The following CCDC102B variants were observed in gnomAD, a reference collection of about 807,000 sequenced individuals.
The protein encoded by CCDC102B is coiled-coil domain containing 102B, also known as coiled-coil domain-containing protein 102B.
CCDC102B carries 75 observed loss-of-function variants against 57.4 expected under a neutral mutation model. The observed-to-expected ratio is 1.31, with a 90% confidence interval of 1.08 to 1.58. The LOEUF (loss-of-function observed/expected upper bound fraction) is 1.58. CCDC102B is among the 40% of genes most tolerant of loss of function. The probability of loss-of-function intolerance (pLI) is 0.00; values close to 1 mark genes in which losing one functional copy is unlikely to be tolerated. For missense variants in CCDC102B, 636 were observed against 582.6 expected (o/e 1.09, Z -0.94); for synonymous variants, 206 against 201.9 (o/e 1.02, Z -0.17).
chr18:68,919,306 TG>T lies in CCDC102B; in HGVS notation c.1263+21881del, dbSNP rs2041189139. On this transcript the variant is annotated intron_variant, in intron 6 of 7. Transcript: ENST00000360242. ...ATACTCAGAAGGGAAACAGTAGAAA[TG>T]GGATTTTGTTATATTGACCACATTT... 2.0e-5 allele frequency among the ~76,000 whole-genome samples: 3 copies of T among 152,154 alleles called. No homozygotes were observed. In the South Asian group the frequency reaches 6.2e-4, roughly 32 times the overall value.
chr18:68,911,561 G>A (rs917967450), intron 6 of CCDC102B, among the ~76,000 whole-genome samples: 1 of 149,862 alleles, frequency 6.7e-6, no homozygotes, highest in African/African-American at 2.5e-5. Context: ...GACCATCCTG[G>A]CTAACACGGT....
At chr18:68,810,704 T>TTTTTTTTTTTTTTTTTTTTTTG (rs2036227556) in intron 1 of CCDC102B, among the ~76,000 whole-genome samples, 1 of 118,556 alleles carries the variant, frequency 8.4e-6, no homozygotes, top group Non-Finnish European at 1.8e-5. Context: ...TTTTTTTTTT[T>TTTTTTTTTTTTTTTTTTTTTTG]TTTATGCTTT....
At position 68,851,828 on chromosome 18, in the gene CCDC102B, A is replaced by G. The variant is rs984334692; in HGVS notation, c.936+5407A>G. Among the ~76,000 whole-genome samples, 4 of 152,322 alleles carry G rather than the reference A, an allele frequency of 2.6e-5. No individual in the cohort carries two copies. In the East Asian group the frequency reaches 5.8e-4, roughly 22 times the overall value. ...AAGTCTCTAAGTGAGTTACACAGGT[A>G]ATTACCTCACACAATGGCAATGTTT... is the stretch of plus-strand genomic sequence containing the variant. On this transcript the variant is annotated intron_variant, in intron 4 of 7. Transcript: ENST00000360242.
At chr18:68,876,435 A>T (rs2144938096) in intron 5 of CCDC102B, among the ~76,000 whole-genome samples, 1 of 152,286 alleles carries the variant, frequency 6.6e-6, no homozygotes, top group East Asian at 1.9e-4. Context: ...GAAATACAAG[A>T]TATTTTATTT....
At chr18:69,028,128 A>C (rs1193998499) in intron 7 of CCDC102B, among the ~76,000 whole-genome samples, 2 of 152,218 alleles carry the variant, frequency 1.3e-5, no homozygotes, top group Non-Finnish European at 2.9e-5. Flanking sequence ...GTGGGTGTAG[A>C]AGCATATGGG....
At chr18:68,782,217 G>A (rs1005544685) in intron 2 of CCDC102B, among the ~76,000 whole-genome samples, 5 of 151,596 alleles carry the variant, frequency 3.3e-5, no homozygotes, top group South Asian at 4.2e-4. Context: ...TTTTTATTCC[G>A]CTTATCACCC....
At chr18:68,781,169 C>T (rs915750362) in intron 2 of CCDC102B, among the ~76,000 whole-genome samples, 25 of 151,942 alleles carry the variant, frequency 1.6e-4, no homozygotes, top group African/African-American at 6.0e-4. Flanking sequence ...AAAATGCCTT[C>T]ATTACTTAGC....
intron 4 of CCDC102B, among the ~76,000 whole-genome samples, chr18:68,850,386 AACTCTTTC>A (rs2038067373): frequency 1.3e-5 from 2 of 151,936 alleles, no homozygotes; most frequent in African/African-American, 4.8e-5. Context: ...CCCGCCATGG[AACTCTTTC>A]ACTCTGTCCT....
intron 6 of CCDC102B, among the ~76,000 whole-genome samples, chr18:68,995,571 T>A (rs1015905741): frequency 3.9e-5 from 6 of 152,064 alleles, no homozygotes; most frequent in African/African-American, 1.4e-4. Context: ...AGCTTCCACA[T>A]GGTGTTCGGC....
chr18:68,906,115 T>C (rs2096946), intron 6 of CCDC102B, among the ~76,000 whole-genome samples: 136,761 of 152,114 alleles, frequency 0.9, 61,546 homozygotes, highest in Admixed American at 0.92. Flanking sequence ...TTTAAATTTA[T>C]CATAATGTTT....
rs1163966633 is a variant in CCDC102B at position 69,054,682 on chromosome 18, C to T, written c.*545C>T. On this transcript the variant is annotated 3_prime_UTR_variant, in exon 8 of 8. Transcript: ENST00000360242. ...AATCTTTGTATAAAACAGAAGTGAGCAGATGAATCAGAAAAAAGTGTTTTG... is the reference window on the plus strand; with the variant it reads ...AATCTTTGTATAAAACAGAAGTGAGTAGATGAATCAGAAAAAAGTGTTTTG... 1 of 981,162 alleles carries T rather than the reference C, an allele frequency of 1.0e-6. No individual in the cohort carries two copies. The highest frequency in any genetic ancestry group is 1.2e-6 in the Non-Finnish European group (1 of 826,140). The allele number at this position is 981,162 out of a possible 1,614,324, so 60.8% of individuals were successfully genotyped here.
At position 68,916,942 on chromosome 18, in the gene CCDC102B, T is replaced by G. The variant is rs142977306; in HGVS notation, c.1263+19514T>G. On this transcript the variant is annotated intron_variant, in intron 6 of 7. Coordinates refer to ENST00000360242, the MANE Select transcript of CCDC102B (RefSeq NM_024781.3). The stretch of plus-strand genomic sequence containing the variant: ...GGCTGGAGAGAGGAGCAAATGCCAA[T>G]GTGACTAGAGTGAGTCGGTGAGCAC... 3.7e-3 allele frequency among the ~76,000 whole-genome samples: 567 copies of G among 152,208 alleles called. 4 individuals carry two copies. Among genetic ancestry groups the G allele is most frequent in the African/African-American group, 0.013 (549 of 41,550 alleles).
intron 7 of CCDC102B, among the ~76,000 whole-genome samples, chr18:69,032,937 T>A (rs1376200390): frequency 6.6e-6 from 1 of 152,118 alleles, no homozygotes; most frequent in Non-Finnish European, 1.5e-5. Flanking sequence ...TACTAGAATG[T>A]TTTATATATG....
At chr18:68,808,701 A>G (rs1426526546) in intron 1 of CCDC102B, among the ~76,000 whole-genome samples, 1 of 151,978 alleles carries the variant, frequency 6.6e-6, no homozygotes, top group Non-Finnish European at 1.5e-5. Context: ...GATGGTCTCG[A>G]TCTCCTGACC....
intron 4 of CCDC102B, among the ~76,000 whole-genome samples, chr18:68,853,700 AAAT>A (rs1436206340): frequency 1.4e-5 from 2 of 145,356 alleles, no homozygotes; most frequent in African/African-American, 5.2e-5. Flanking sequence ...AAAAAAAAAA[AAAT>A]CTGACTCAAT....
rs752871731 is a variant in CCDC102B at position 68,746,112 on chromosome 18, A to G, written c.-67+29518A>G. Among the ~76,000 whole-genome samples, 4 of 152,350 alleles carry G rather than the reference A, an allele frequency of 2.6e-5. No individual in the cohort carries two copies. In the East Asian group the frequency reaches 5.8e-4, roughly 22 times the overall value. On this transcript the variant is annotated intron_variant, in intron 2 of 3. Coordinates refer to the CCDC102B transcript ENST00000578970. ...TAATTTATAGCAAATTTTAAAAAAC[A>G]TATGCAACGCATGACATCTTGTCCT...
chr18:68,913,668 A>C (rs2040962013), intron 6 of CCDC102B, among the ~76,000 whole-genome samples: 1 of 151,224 alleles, frequency 6.6e-6, no homozygotes, highest in Non-Finnish European at 1.5e-5. Context: ...AGAAAAAAAA[A>C]AAAGCAAAAA....
intron 5 of CCDC102B, among the ~76,000 whole-genome samples, chr18:68,888,282 T>C (rs1451664503): frequency 6.6e-6 from 1 of 152,188 alleles, no homozygotes; most frequent in African/African-American, 2.4e-5. Context: ...TGTTATATCT[T>C]CCTAATTGCT....
At chr18:69,027,300 G>A (rs1599867933) in intron 7 of CCDC102B, among the ~76,000 whole-genome samples, 1 of 151,886 alleles carries the variant, frequency 6.6e-6, no homozygotes, top group Non-Finnish European at 1.5e-5. Flanking sequence ...ATGATCTTAC[G>A]GCAACTCTGC....
Sources: allele counts gnomAD v4.1 joint callset (sites outside exome capture counted in the v4.1 genomes callset), GRCh38; gene constraint gnomAD v4.1.1; transcripts MANE v1.5; gene names NCBI Gene and HGNC (gene_info 2026-07-23, HGNC 2026-07-21).